Variants in VPS13A observed in about 807,000 individuals in gnomAD.
The protein encoded by VPS13A is vacuolar protein sorting 13 homolog A.
A neutral mutation model predicts 390.9 loss-of-function variants in VPS13A; 264 were observed. That is an observed-to-expected ratio of 0.68 (90% CI 0.61 to 0.75). The LOEUF (loss-of-function observed/expected upper bound fraction) is 0.75, where lower values mean the gene tolerates loss of function less well. VPS13A is among the 30% of genes least tolerant of loss of function. VPS13A has a pLI of 0.00. For missense variants in VPS13A, 3,409 were observed against 3,733.9 expected, an observed-to-expected ratio of 0.91 and a Z score of 2.27; for synonymous variants, 1,231 against 1,227.1, an observed-to-expected ratio of 1.00 and a Z score of -0.07.
At position 77,352,574 on chromosome 9, in the gene VPS13A, A is replaced by G. The variant is rs565964240; in HGVS notation, c.7420-835A>G. Among the ~76,000 whole-genome samples, 6 of 152,280 alleles carry G rather than the reference A, an allele frequency of 3.9e-5. No homozygotes were observed. The South Asian group carries it at 8.3e-4, about 21-fold the overall frequency. On this transcript the variant is annotated intron_variant, in intron 53 of 71. Transcript: ENST00000360280. ...CTGTTGATTAGTACTTTGCATATTT[A>G]TATCATAGTGATAGTTTGAAGCTTA...
intron 68 of VPS13A, chr9:77,383,044 A>G (rs1431725378): frequency 2.0e-6 from 2 of 984,662 alleles, no homozygotes; most frequent in Non-Finnish European, 1.2e-6. Context: ...GCAGATACTC[A>G]TGGTAGCAAT....
intron 1 of VPS13A, among the ~76,000 whole-genome samples, chr9:77,193,663 A>G (rs1341815172): frequency 6.6e-6 from 1 of 152,076 alleles, no homozygotes; most frequent in African/African-American, 2.4e-5. Context: ...AATAAGAACC[A>G]TTGCTGGGGA....
At position 77,325,629 on chromosome 9, in the gene VPS13A, T is replaced by C. The variant is rs111606969; in HGVS notation, c.5991+2402T>C. On this transcript the variant is annotated intron_variant, in intron 45 of 71. Coordinates refer to ENST00000360280, the MANE Select transcript of VPS13A (RefSeq NM_033305.3). ...TCATTTTATTTCCTTGTTGGCTTAT[T>C]GGCTGTATCTCTTTATACTTCCTTG... Among the ~76,000 whole-genome samples the C allele has an allele frequency of 5.7e-3, 863 of 152,134 alleles. 1 individual carries two copies. Among genetic ancestry groups the C allele is most frequent in the Middle Eastern group, 0.014 (4 of 294 alleles).
At chr9:77,281,232 G>A (rs1159022659) in intron 27 of VPS13A, among the ~76,000 whole-genome samples, 2 of 152,084 alleles carry the variant, frequency 1.3e-5, no homozygotes, top group African/African-American at 2.4e-5. Context: ...GTATACAGCA[G>A]GGGAACTGTA....
At chr9:77,272,169 G>A (rs1490513208) in intron 23 of VPS13A, among the ~76,000 whole-genome samples, 2 of 152,132 alleles carry the variant, frequency 1.3e-5, no homozygotes, top group East Asian at 1.9e-4. Context: ...TTGTGAAATT[G>A]TAATTAAAAC....
intron 50 of VPS13A, 163 bp downstream of exon 50, chr9:77,340,713 G>C: frequency 1.3e-6 from 1 of 795,070 alleles, no homozygotes; most frequent in Non-Finnish European, 2.0e-6. Flanking sequence ...TAGATAGATG[G>C]GAAGGTTCAA....
chr9:77,227,335 G>T, intron 15 of VPS13A, 56 bp from the exon 16 acceptor site: 1 of 1,215,100 alleles, frequency 8.2e-7, no homozygotes, highest in Non-Finnish European at 1.2e-6. Flanking sequence ...CAGATACATT[G>T]TGTTAATTTT....
rs1172781069 is a variant in VPS13A, at chr9:77,253,936, C to CTTTTTTTTTTTT, written c.2288+1599_2288+1610dup. On this transcript the variant is annotated intron_variant, in intron 22 of 71. Transcript: ENST00000360280. ...TATAGGATAAGGACCGGCCTTTATT[C>CTTTTTTTTTTTT]TTTTTTTTTTTTTTTTTTTTTTTTT... 7.3e-5 allele frequency among the ~76,000 whole-genome samples: 4 copies of CTTTTTTTTTTTT among 55,068 alleles called. 1 individual carries two copies. Among genetic ancestry groups the CTTTTTTTTTTTT allele is most frequent in the African/African-American group, 1.4e-4 (2 of 14,484 alleles). The allele number at this position is 55,068 out of a possible 152,430, so 36.1% of individuals were successfully genotyped here. A position where few individuals can be genotyped will look rare whatever the true frequency, so the allele number is the denominator to read the frequency against.
At chr9:77,377,958 A>G (rs911465127) in intron 67 of VPS13A, among the ~76,000 whole-genome samples, 6 of 152,230 alleles carry the variant, frequency 3.9e-5, no homozygotes, top group African/African-American at 9.6e-5. Flanking sequence ...AATGTAGTAT[A>G]TTACATTAAT....
chr9:77,363,538 A>C (rs1452732612), intron 59 of VPS13A, among the ~76,000 whole-genome samples: 4 of 151,570 alleles, frequency 2.6e-5, no homozygotes, highest in Non-Finnish European at 4.4e-5. Context: ...CTCCCTCCCG[A>C]GTAGCTGGGA....
At chr9:77,206,810 T>C (rs1030407226) in intron 5 of VPS13A, among the ~76,000 whole-genome samples, 8 of 152,186 alleles carry the variant, frequency 5.3e-5, no homozygotes, top group African/African-American at 1.9e-4. Context: ...CATCTTAAAA[T>C]TAAAAAGTTT....
At chr9:77,191,191 T>G (rs1363154769) in intron 1 of VPS13A, among the ~76,000 whole-genome samples, 3 of 152,146 alleles carry the variant, frequency 2.0e-5, no homozygotes, top group Non-Finnish European at 4.4e-5. Context: ...CTATAAACTT[T>G]CCTCTTAAGA....
chr9:77,316,179 A>T lies in VPS13A; in HGVS notation c.4636A>T (p.Thr1546Ser), dbSNP rs1564721959. The change falls in exon 39 of 72, where the codon ACA becomes TCA. Residue 1546 changes from threonine (T) to serine (S), a missense_variant. By Grantham distance (58) the Thr-to-Ser change is moderately conservative. This residue lies in a region of VPS13A where 2,717 missense variants were observed against 2,917.4 expected (regional missense o/e 0.93). Coordinates refer to ENST00000360280, the MANE Select transcript of VPS13A (RefSeq NM_033305.3). ...QTWTAKEEVP[T>S]QESVKWEINV... ...TCTATTTTTATTTGTTTTAGTACCT[A>T]CACAGGAATCAGTGAAGTGGGAAAT... 2 of 1,604,234 alleles carry T rather than the reference A, an allele frequency of 1.2e-6. No individual in the cohort carries two copies. Among genetic ancestry groups the T allele is most frequent in the South Asian group, 2.2e-5 (2 of 90,716 alleles).
intron 14 of VPS13A, 58 bp downstream of exon 14, chr9:77,226,046 G>A: frequency 6.9e-7 from 1 of 1,453,480 alleles, no homozygotes; most frequent in Non-Finnish European, 9.6e-7. Flanking sequence ...AGATATGACA[G>A]ATGTGATATT....
intron 52 of VPS13A, among the ~76,000 whole-genome samples, chr9:77,350,027 A>G (rs952818061): frequency 6.6e-6 from 1 of 152,110 alleles, no homozygotes; most frequent in Non-Finnish European, 1.5e-5. Context: ...ATTTTTTTGT[A>G]GTATATTGTC....
intron 3 of VPS13A, 63 bp downstream of exon 3, chr9:77,201,470 A>C (rs1414329643): frequency 8.6e-6 from 11 of 1,281,980 alleles, no homozygotes; most frequent in Non-Finnish European, 1.3e-5. Flanking sequence ...TAATTTGCCT[A>C]ATATATCTAT....
At chr9:77,403,423 CTGA>C (rs748689503) in intron 69 of VPS13A, 102 bp downstream of exon 69, 2 of 977,184 alleles carry the variant, frequency 2.0e-6, no homozygotes, top group Non-Finnish European at 3.2e-6. Flanking sequence ...TATAGTCACA[CTGA>C]TTCTTGGGTC....
At chr9:77,290,724 AACCC>A (rs2131366306) in intron 31 of VPS13A, among the ~76,000 whole-genome samples, 1 of 152,318 alleles carries the variant, frequency 6.6e-6, no homozygotes, top group Non-Finnish European at 1.5e-5. Context: ...TGTACTGACA[AACCC>A]ACTGAAGGTA....
intron 4 of VPS13A, 41 bp downstream of exon 4, chr9:77,205,449 T>C (rs766324005): frequency 2.1e-6 from 2 of 973,402 alleles, no homozygotes; most frequent in Non-Finnish European, 2.9e-6. Flanking sequence ...AGTTATTCTT[T>C]TTTATGGATG....
Sources: gnomAD v4.1 joint callset for allele counts (sites outside exome capture counted in the v4.1 genomes callset) on GRCh38, gnomAD v4.1.1 for gene constraint, gnomAD v4.1.1 regional missense constraint, MANE v1.5 for transcripts, NCBI Gene and HGNC (gene_info 2026-07-23, HGNC 2026-07-21) for gene names.